Variants in TENM2 observed in about 807,000 individuals in gnomAD.
TENM2 encodes the protein teneurin transmembrane protein 2, also known as teneurin-2.
A neutral mutation model predicts 245.2 loss-of-function variants in TENM2; 52 were observed. That is an observed-to-expected ratio of 0.21 (90% confidence interval 0.17 to 0.27). The LOEUF (loss-of-function observed/expected upper bound fraction) is 0.27. Among genes scored for constraint, TENM2 ranks in the 10% least tolerant of loss-of-function variants. The probability of loss-of-function intolerance (pLI) is 1.00; values close to 1 mark genes in which losing one functional copy is unlikely to be tolerated. For synonymous variants in TENM2, 1,363 were observed against 1,438.9 expected (o/e 0.95, Z 1.19); for missense variants, 3,046 against 3,666.8 (o/e 0.83, Z 4.37).
chr5:167,200,651 G>A, the TENM2 span, among the ~76,000 whole-genome samples: 1 of 152,032 alleles, frequency 6.6e-6, no homozygotes, highest in Non-Finnish European at 1.5e-5. Context: ...TTAAAAGTCA[G>A]CATCTCCAGT....
intron 2 of TENM2, among the ~76,000 whole-genome samples, chr5:167,754,577 A>G (rs544377032): frequency 7.9e-5 from 12 of 152,168 alleles, no homozygotes; most frequent in Non-Finnish European, 1.6e-4. Flanking sequence ...CTAAGTGGAA[A>G]TGCCAGAGCA....
At chr5:167,992,806 G>A (rs77614348) in intron 4 of TENM2, 138 bp from the exon 7 acceptor site, 41 of 640,002 alleles carry the variant, frequency 6.4e-5, no homozygotes, top group East Asian at 6.0e-4. Context: ...TGTAATGTTC[G>A]CCCCTTCTTC....
Position 167,878,601 on chromosome 5 carries a change from GTGTGTT to G in TENM2, c.712+2408_712+2413del, listed in dbSNP as rs1265214787. ...TGTGTGTGTGTGTGTGTGTGTGTGT[GTGTGTT>G]TCTTGTGGAATGGGTTTAAGGTCCA... is the stretch of plus-strand genomic sequence containing the variant. On this transcript the variant is annotated intron_variant, in intron 3 of 28. Coordinates refer to ENST00000518659, the Ensembl canonical transcript of TENM2. Among the ~76,000 whole-genome samples the G allele has an allele frequency of 5.8e-5, 8 of 137,234 alleles. No homozygotes were observed. The Admixed American group carries it at 6.0e-4, about 10-fold the overall frequency. The allele number at this position is 137,234 out of a possible 152,430, so 90.0% of individuals were successfully genotyped here.
chr5:167,667,122 A>G (rs1042127960), intron 2 of TENM2, among the ~76,000 whole-genome samples: 3 of 152,230 alleles, frequency 2.0e-5, no homozygotes, highest in Non-Finnish European at 4.4e-5. Context: ...AGAGAGCTGT[A>G]TCCTTACATC....
intron 2 of TENM2, among the ~76,000 whole-genome samples, chr5:167,830,618 G>A (rs1363241558): frequency 6.6e-6 from 1 of 152,194 alleles, no homozygotes; most frequent in African/African-American, 2.4e-5. Context: ...TATAGTGTGT[G>A]GCAGAGGAGG....
intron 8 of TENM2, among the ~76,000 whole-genome samples, chr5:168,092,913 A>AT (rs1199841340): frequency 6.6e-6 from 1 of 152,198 alleles, no homozygotes; most frequent in Non-Finnish European, 1.5e-5. Context: ...TAGCCCCAGT[A>AT]TTATGCCTTC....
chr5:168,209,543 A>C (rs995606948), intron 19 of TENM2, among the ~76,000 whole-genome samples: 10 of 152,206 alleles, frequency 6.6e-5, no homozygotes, highest in Admixed American at 2.0e-4. Context: ...ACTTCTCTTT[A>C]GTTAGAACAA....
At chr5:167,834,896 C>A (rs766698007) in intron 2 of TENM2, among the ~76,000 whole-genome samples, 1 of 152,076 alleles carries the variant, frequency 6.6e-6, no homozygotes, top group Admixed American at 6.6e-5. Context: ...GTGATCCGCC[C>A]GCCTCGGCCT....
At chr5:168,075,906 C>G (rs1791423996) in intron 7 of TENM2, among the ~76,000 whole-genome samples, 1 of 152,144 alleles carries the variant, frequency 6.6e-6, no homozygotes, top group Admixed American at 6.5e-5. Context: ...CATCAGATCT[C>G]AGGTGACCTA....
intron 7 of TENM2, among the ~76,000 whole-genome samples, chr5:168,066,486 A>C (rs772174208): frequency 5.9e-5 from 9 of 152,186 alleles, no homozygotes. Flanking sequence ...GATTTTATTT[A>C]TATTCCCAAA....
chr5:167,160,348 A>G, the TENM2 span, among the ~76,000 whole-genome samples: 9 of 152,292 alleles, frequency 5.9e-5, no homozygotes, highest in East Asian at 1.7e-3. Context: ...GCTGCTTTCA[A>G]TGGTCCCTAC....
At chr5:167,440,076 A>G (rs1221598302) in intron 2 of TENM2, among the ~76,000 whole-genome samples, 1 of 152,184 alleles carries the variant, frequency 6.6e-6, no homozygotes, top group Non-Finnish European at 1.5e-5. Flanking sequence ...ATTCATTTGC[A>G]GTAAATAGAT....
At chr5:167,452,950 T>TATATATTTTTTTTTTTTAA (rs1561968212) in intron 2 of TENM2, among the ~76,000 whole-genome samples, 3 of 99,630 alleles carry the variant, frequency 3.0e-5, no homozygotes, top group African/African-American at 1.0e-4. Flanking sequence ...TATATATATA[T>TATATATTTTTTTTTTTTAA]ATATATATAT....
chr5:166,984,051 G>T, the TENM2 span, among the ~76,000 whole-genome samples: 1 of 152,216 alleles, frequency 6.6e-6, no homozygotes, highest in African/African-American at 2.4e-5. Context: ...TTATTTAGCT[G>T]TATGTAAGCT....
At chr5:167,469,353 G>T (rs1308764413) in intron 2 of TENM2, among the ~76,000 whole-genome samples, 2 of 152,042 alleles carry the variant, frequency 1.3e-5, no homozygotes, top group Non-Finnish European at 2.9e-5. Flanking sequence ...AAGACTATTT[G>T]TTTTTTAATT....
At chr5:167,324,251 T>A (rs751968434) in intron 1 of TENM2, among the ~76,000 whole-genome samples, 3 of 152,156 alleles carry the variant, frequency 2.0e-5, no homozygotes, top group Non-Finnish European at 2.9e-5. Context: ...CACAAGTCAT[T>A]TTTGAGAGAT....
intron 1 of TENM2, among the ~76,000 whole-genome samples, chr5:167,331,538 C>A (rs757111749): frequency 1.3e-5 from 2 of 152,104 alleles, no homozygotes; most frequent in Non-Finnish European, 2.9e-5. Flanking sequence ...GATGAATTTA[C>A]AATGTAGGAT....
At chr5:167,245,401 T>C in the TENM2 span, among the ~76,000 whole-genome samples, 1 of 152,224 alleles carries the variant, frequency 6.6e-6, no homozygotes, top group East Asian at 1.9e-4. Flanking sequence ...GTATTCTCAT[T>C]TACTTCTAGA....
the TENM2 span, among the ~76,000 whole-genome samples, chr5:167,069,702 T>C: frequency 6.6e-6 from 1 of 152,200 alleles, no homozygotes. Flanking sequence ...GTGTAAGCAG[T>C]GGTTATCATT....
Sources: gnomAD v4.1 joint callset for allele counts (sites outside exome capture counted in the v4.1 genomes callset) on GRCh38, gnomAD v4.1.1 for gene constraint, MANE v1.5 for transcripts, NCBI Gene and HGNC (gene_info 2026-07-23, HGNC 2026-07-21) for gene names.